Variants in HOOK3 observed in about 807,000 individuals in gnomAD.
The protein encoded by HOOK3 is hook microtubule tethering protein 3, also known as protein Hook homolog 3.
A neutral mutation model predicts 116.3 loss-of-function variants in HOOK3; 24 were observed. The ratio of observed to expected loss-of-function variants is 0.21; its 90% CI spans 0.15 to 0.29. The LOEUF (loss-of-function observed/expected upper bound fraction) is 0.29, where lower values mean the gene tolerates loss of function less well. Ranked by LOEUF, HOOK3 falls within the 10% of genes least tolerant of loss-of-function variation. The probability of loss-of-function intolerance (pLI) is 1.00; values close to 1 mark genes in which losing one functional copy is unlikely to be tolerated. For synonymous variants in HOOK3, 275 were observed against 283.0 expected (o/e 0.97, Z 0.28); for missense variants, 632 against 830.2 (o/e 0.76, Z 2.93).
At chr8:42,956,100 A>G (rs1563300498) in intron 6 of HOOK3, among the ~76,000 whole-genome samples, 1 of 152,114 alleles carries the variant, frequency 6.6e-6, no homozygotes, top group Non-Finnish European at 1.5e-5. Context: ...AGAAGGAAAC[A>G]ACAGAAGACT....
At chr8:42,940,260 A>T (rs1235424400) in intron 4 of HOOK3, among the ~76,000 whole-genome samples, 1 of 152,206 alleles carries the variant, frequency 6.6e-6, no homozygotes, top group African/African-American at 2.4e-5. Context: ...CTGGCGGATC[A>T]CTCGCGGCTA....
intron 4 of HOOK3, among the ~76,000 whole-genome samples, chr8:42,933,730 A>T (rs1293808638): frequency 2.6e-5 from 4 of 152,210 alleles, no homozygotes; most frequent in Admixed American, 1.3e-4. Context: ...AGTTCTCTTT[A>T]CACTGTGGTT....
At chr8:42,973,768 T>C (rs1808768616) in intron 12 of HOOK3, among the ~76,000 whole-genome samples, 1 of 152,210 alleles carries the variant, frequency 6.6e-6, no homozygotes, top group Admixed American at 6.5e-5. Flanking sequence ...ATTTCTACTT[T>C]TTCATGATTT....
chr8:42,972,609 T>C (rs979896813), intron 11 of HOOK3, among the ~76,000 whole-genome samples: 4 of 152,152 alleles, frequency 2.6e-5, no homozygotes, highest in Non-Finnish European at 5.9e-5. Flanking sequence ...CTATGCTGCC[T>C]TGTCTGGTCT....
chr8:42,962,259 TTC>T (rs1431954557), intron 8 of HOOK3, among the ~76,000 whole-genome samples: 2 of 150,602 alleles, frequency 1.3e-5, no homozygotes, highest in African/African-American at 4.9e-5. Context: ...AAATTTTCAT[TTC>T]TTTTTTTTTT....
At chr8:43,011,449 ATG>A (rs147559520) in intron 19 of HOOK3, among the ~76,000 whole-genome samples, 13 of 150,190 alleles carry the variant, frequency 8.7e-5, no homozygotes, top group East Asian at 3.9e-4. Context: ...AAGTAACAGC[ATG>A]TGTGTGTGTG....
intron 16 of HOOK3, among the ~76,000 whole-genome samples, chr8:42,998,936 G>A (rs1399388749): frequency 6.6e-6 from 1 of 152,096 alleles, no homozygotes; most frequent in Non-Finnish European, 1.5e-5. Context: ...GAACTGAATG[G>A]GGCAACATTT....
At chr8:42,988,789 C>T (rs1290263035) in intron 15 of HOOK3, among the ~76,000 whole-genome samples, 1 of 152,122 alleles carries the variant, frequency 6.6e-6, no homozygotes, top group African/African-American at 2.4e-5. Flanking sequence ...CTAGTCCATA[C>T]CCTCTTTCTT....
rs373620973 is a variant in HOOK3, at chr8:42,904,301, A to G, written c.58-1872A>G. On this transcript the variant is annotated intron_variant, in intron 1 of 21. Coordinates refer to ENST00000307602, the MANE Select transcript of HOOK3 (RefSeq NM_032410.4). ...CTCCTTCCTTCATACTGCAGCCGGT[A>G]TGATCTTTTTTTTTTTTTTTTTTTT... Among the ~76,000 whole-genome samples, 805 of 137,384 alleles carry G rather than the reference A, an allele frequency of 5.9e-3. 13 individuals are homozygous for G. The highest frequency in any genetic ancestry group is 0.021 in the African/African-American group (767 of 37,240). 90.1% of individuals were successfully genotyped at this position (137,384 alleles called of 152,430 possible).
chr8:43,018,067 T>C (rs749683419), intron 21 of HOOK3, among the ~76,000 whole-genome samples: 8 of 152,200 alleles, frequency 5.3e-5, no homozygotes, highest in Non-Finnish European at 1.2e-4. Context: ...ACTTTCTACA[T>C]TTAATTTGAA....
intron 2 of HOOK3, among the ~76,000 whole-genome samples, chr8:42,908,573 T>G (rs1247393179): frequency 6.6e-6 from 1 of 152,218 alleles, no homozygotes; most frequent in Non-Finnish European, 1.5e-5. Flanking sequence ...GACAAGTCTC[T>G]TCAGTAAAGG....
chr8:43,021,116 A>C lies in HOOK3; in HGVS notation c.*2618A>C, dbSNP rs1202067046. Reference sequence around the variant, plus strand: ...AACTCTGTCGCAAGAAAAAAAAAAAAAAAAAAAAAAAAAAAAACAGTCTGT... The same window carrying C: ...AACTCTGTCGCAAGAAAAAAAAAAACAAAAAAAAAAAAAAAAACAGTCTGT... On this transcript the variant is annotated 3_prime_UTR_variant, in exon 22 of 22. Coordinates refer to ENST00000307602, the MANE Select transcript of HOOK3 (RefSeq NM_032410.4). 3.2e-5 allele frequency: 6 copies of C among 189,312 alleles called. No individual in the cohort carries two copies. Among genetic ancestry groups the C allele is most frequent in the African/African-American group, 9.8e-5 (4 of 40,850 alleles). The allele number at this position is 189,312 out of a possible 1,614,324, so 11.7% of individuals were successfully genotyped here.
At position 42,964,441 on chromosome 8, in the gene HOOK3, C is replaced by T; in HGVS notation, c.746C>T (p.Thr249Ile). Residue 249 changes from threonine to isoleucine, a missense_variant, in exon 9 of 22, where the codon ACT becomes ATT. Around this residue, in one of 3 missense-constraint regions of HOOK3, gnomAD observed 483 missense variants for 648.1 expected, o/e 0.75. Transcript: ENST00000307602. ...GGAAGAAGGCATTTGCAGCTCCAGA[C>T]TCAATTAGAACAGCTCCAAGAAGAA... ...PAGRRHLQLQTQLEQLQEETF... is the reference protein window; with the variant it reads ...PAGRRHLQLQIQLEQLQEETF... 6.2e-7 allele frequency: 1 copy of T among 1,614,100 alleles called. No homozygotes were observed. The highest frequency in any genetic ancestry group is 8.5e-7 in the Non-Finnish European group (1 of 1,179,984).
At chr8:42,939,969 G>T (rs1403951153) in intron 4 of HOOK3, among the ~76,000 whole-genome samples, 2 of 151,702 alleles carry the variant, frequency 1.3e-5, no homozygotes, top group Non-Finnish European at 2.9e-5. Context: ...TGGGATGGCG[G>T]CCGGGCAGAG....
intron 13 of HOOK3, among the ~76,000 whole-genome samples, chr8:42,981,308 C>T (rs1457839701): frequency 6.6e-6 from 1 of 151,946 alleles, no homozygotes; most frequent in African/African-American, 2.4e-5. Context: ...CCACCTCGGC[C>T]TCCCAAAGTG....
At chr8:43,012,988 T>C in intron 19 of HOOK3, 63 bp from the exon 20 acceptor site, 1 of 965,522 alleles carries the variant, frequency 1.0e-6, no homozygotes, top group Non-Finnish European at 1.6e-6. Flanking sequence ...GTCATTCTTT[T>C]CTTAAACGTT....
At chr8:42,904,540 A>T (rs1037433344) in intron 1 of HOOK3, among the ~76,000 whole-genome samples, 2 of 151,980 alleles carry the variant, frequency 1.3e-5, no homozygotes, top group Admixed American at 1.3e-4. Context: ...TCTGATCTCC[A>T]GACCTCGTGA....
At chr8:42,940,468 C>T (rs983270394) in intron 4 of HOOK3, among the ~76,000 whole-genome samples, 11 of 152,174 alleles carry the variant, frequency 7.2e-5, no homozygotes, top group East Asian at 3.9e-4. Flanking sequence ...AGAGGGAGAC[C>T]GTGGAAAGAG....
intron 15 of HOOK3, among the ~76,000 whole-genome samples, chr8:42,987,020 G>A (rs1054396625): frequency 5.9e-5 from 9 of 152,160 alleles, no homozygotes; most frequent in African/African-American, 2.2e-4. Context: ...AAATTAGCCA[G>A]GCATGGTGGT....
Sources: allele counts gnomAD v4.1 joint callset (sites outside exome capture counted in the v4.1 genomes callset), GRCh38; gene constraint gnomAD v4.1.1; regional missense constraint gnomAD v4.1.1; transcripts MANE v1.5; gene names NCBI Gene and HGNC (gene_info 2026-07-23, HGNC 2026-07-21).